The following MBIP variants were observed in gnomAD, a reference collection of about 807,000 sequenced individuals.
MBIP encodes the protein MAP3K12-binding inhibitory protein 1.
In MBIP, 32 loss-of-function variants were observed where a neutral mutation model predicts 45.7. That is an observed-to-expected ratio of 0.70 (90% confidence interval 0.53 to 0.94). The LOEUF (loss-of-function observed/expected upper bound fraction) is 0.94, where lower values mean the gene tolerates loss of function less well. MBIP is among the 40% of genes least tolerant of loss of function. The probability of loss-of-function intolerance (pLI) is 0.00; values close to 1 mark genes in which losing one functional copy is unlikely to be tolerated. For synonymous variants in MBIP, 145 were observed against 141.0 expected (o/e 1.03, Z -0.20); for missense variants, 381 against 405.5 (o/e 0.94, Z 0.52).
At position 36,320,611 on chromosome 14, in the gene MBIP, C is replaced by T. The variant is rs763143629; in HGVS notation, c.-23G>A. ...CATGATATCTTCTCAGGCCGCCCCA[C>T]CACCACCACCACCAAGATTTGCTCA... On this transcript the variant is annotated 5_prime_UTR_variant, in exon 1 of 9. It adds an upstream start codon to the 5' untranslated region. Coordinates refer to ENST00000416007, the MANE Select transcript of MBIP (RefSeq NM_016586.3). 4 of 1,576,692 alleles carry T rather than the reference C, an allele frequency of 2.5e-6. No homozygotes were observed. The South Asian group carries it at 4.7e-5, about 18-fold the overall frequency.
At chr14:36,302,885 T>C (rs1173883325) in intron 7 of MBIP, among the ~76,000 whole-genome samples, 1 of 152,224 alleles carries the variant, frequency 6.6e-6, no homozygotes, top group Non-Finnish European at 1.5e-5. Flanking sequence ...CAGTAGAAAC[T>C]GTACTTCAAA....
chr14:36,305,218 A>G (rs868750010), intron 7 of MBIP: 2 of 152,190 alleles, frequency 1.3e-5, no homozygotes, highest in Admixed American at 6.5e-5. Flanking sequence ...TGAGGTTCCT[A>G]AAGATGGCTC....
At chr14:36,304,805 T>C (rs375853523) in intron 7 of MBIP, among the ~76,000 whole-genome samples, 12 of 152,206 alleles carry the variant, frequency 7.9e-5, no homozygotes, top group Admixed American at 6.5e-4. Context: ...TCCCCATAAA[T>C]ATTTGTTTTT....
At chr14:36,319,097 A>C (rs944097124) in intron 1 of MBIP, among the ~76,000 whole-genome samples, 4 of 151,526 alleles carry the variant, frequency 2.6e-5, no homozygotes, top group African/African-American at 9.8e-5. Flanking sequence ...AAAATTTTCT[A>C]ATGAGTTTGA....
Position 36,319,719 on chromosome 14 carries a change from TTTAAA to T in MBIP, c.129+736_129+740del, listed in dbSNP as rs1880776328. 8 of 195,688 alleles carry T rather than the reference TTTAAA, an allele frequency of 4.1e-5. No homozygotes were observed. In the South Asian group the frequency reaches 4.8e-4, roughly 12 times the overall value. The allele number at this position is 195,688 out of a possible 1,614,324, so 12.1% of individuals were successfully genotyped here. On this transcript the variant is annotated intron_variant, in intron 1 of 8. Coordinates refer to ENST00000416007, the MANE Select transcript of MBIP (RefSeq NM_016586.3). ...TAAAAGGCAGGTAAACAAGCATACT[TTTAAA>T]TTGTTTCTCATTTAAAACTTGAATT...
In MBIP at chr14:36,298,931, A is replaced by C; in HGVS notation, c.*152T>G. ...TTTCAAAACTTACTGGAATATTTGA[A>C]GATTACTTGCTGCAAGCTGGACTCA... is the stretch of plus-strand genomic sequence containing the variant. On this transcript the variant is annotated 3_prime_UTR_variant, in exon 9 of 9. Coordinates refer to ENST00000416007, the MANE Select transcript of MBIP (RefSeq NM_016586.3). The C allele has an allele frequency of 2.1e-6, 1 of 486,324 alleles. No individual in the cohort carries two copies. Among genetic ancestry groups the C allele is most frequent in the Non-Finnish European group, 3.7e-6 (1 of 272,734 alleles). The allele number at this position is 486,324 out of a possible 1,614,324, so 30.1% of individuals were successfully genotyped here. A position where few individuals can be genotyped will look rare whatever the true frequency, so the allele number is the denominator to read the frequency against.
rs773730348 is a variant in MBIP at position 36,314,845 on chromosome 14, G to A, written c.320C>T (p.Thr107Ile). ...NTTAVEEIGR[T>I]EMGNKNEVND... Reference sequence around the variant, plus strand: ...TACTTCATTTTTGTTCCCCATTTCTGTTCTTCCTATCTCTTCAACAGCAGT... The same window carrying A: ...TACTTCATTTTTGTTCCCCATTTCTATTCTTCCTATCTCTTCAACAGCAGT... The change falls in exon 3 of 9, where the codon ACA becomes ATA. Residue 107 changes from threonine (T) to isoleucine (I), a missense_variant. By Grantham distance (89) the Thr-to-Ile change is moderately conservative (BLOSUM62 -1). Coordinates refer to ENST00000416007, the MANE Select transcript of MBIP (RefSeq NM_016586.3). The A allele has an allele frequency of 3.7e-6, 6 of 1,613,132 alleles. No homozygotes were observed. The highest frequency in any genetic ancestry group is 1.3e-5 in the African/African-American group (1 of 74,776).
chr14:36,299,287 AAGC>A (rs1237243213), intron 8 of MBIP, 97 bp from the exon 9 acceptor site: 1 of 790,088 alleles, frequency 1.3e-6, no homozygotes, highest in Non-Finnish European at 2.1e-6. Context: ...AAATATTCAA[AAGC>A]ATGATCAAAT....
intron 1 of MBIP, among the ~76,000 whole-genome samples, chr14:36,317,318 T>C (rs942444312): frequency 1.3e-5 from 2 of 152,232 alleles, no homozygotes; most frequent in Admixed American, 1.3e-4. Flanking sequence ...ATCACATTTT[T>C]AGTTTTTTAA....
intron 8 of MBIP, among the ~76,000 whole-genome samples, chr14:36,300,576 G>A (rs1264178059): frequency 6.6e-6 from 1 of 152,100 alleles, no homozygotes; most frequent in Non-Finnish European, 1.5e-5. Context: ...CAGGACAAAG[G>A]TTTTATTTAT....
intron 7 of MBIP, 84 bp downstream of exon 7, chr14:36,308,008 T>C (rs1879983185): frequency 2.8e-6 from 2 of 718,330 alleles, no homozygotes; most frequent in South Asian, 1.8e-5. Context: ...GTTTTGCTTA[T>C]AGATCAATGA....
chr14:36,308,252 T>C (rs1879999565), intron 6 of MBIP, 63 bp from the exon 7 acceptor site: 1 of 815,590 alleles, frequency 1.2e-6, no homozygotes, highest in Non-Finnish European at 2.0e-6. Flanking sequence ...ACAATTTTTA[T>C]TCTTAAAATA....
intron 7 of MBIP, among the ~76,000 whole-genome samples, chr14:36,302,848 T>C (rs567158443): frequency 6.6e-6 from 1 of 152,344 alleles, no homozygotes; most frequent in South Asian, 2.1e-4. Context: ...TTTTCAAATT[T>C]ACAATGCTGT....
intron 5 of MBIP, 78 bp downstream of exon 5, chr14:36,311,881 G>A: frequency 7.9e-7 from 1 of 1,269,378 alleles, no homozygotes; most frequent in Non-Finnish European, 1.1e-6. Flanking sequence ...AATTTAGATG[G>A]GAAAGTTATT....
chr14:36,313,620 C>T (rs1880348666), intron 4 of MBIP: 1 of 152,038 alleles, frequency 6.6e-6, no homozygotes, highest in Non-Finnish European at 1.5e-5. Flanking sequence ...TTTAGAGATG[C>T]ACATGTGTAA....
intron 8 of MBIP, among the ~76,000 whole-genome samples, chr14:36,299,482 T>C (rs1396148278): frequency 6.6e-6 from 1 of 151,070 alleles, no homozygotes; most frequent in Non-Finnish European, 1.5e-5. Context: ...AAAAGCCTGA[T>C]TATTAGACAC....
At chr14:36,308,016 T>G in intron 7 of MBIP, 76 bp downstream of exon 7, 1 of 775,480 alleles carries the variant, frequency 1.3e-6, no homozygotes, top group East Asian at 2.5e-5. Context: ...TATAGATCAA[T>G]GAGTGACTGT....
At chr14:36,312,188 C>T (rs967681677) in intron 4 of MBIP, among the ~76,000 whole-genome samples, 164 bp from the exon 5 acceptor site, 2 of 151,836 alleles carry the variant, frequency 1.3e-5, no homozygotes, top group African/African-American at 4.8e-5. Context: ...AATTTAGTGA[C>T]CTTCTTTACC....
At chr14:36,308,275 A>G in intron 6 of MBIP, 86 bp from the exon 7 acceptor site, 1 of 694,550 alleles carries the variant, frequency 1.4e-6, no homozygotes, top group East Asian at 2.6e-5. Flanking sequence ...ATGCAAAGAC[A>G]CTTATGCAAA....
Sources: gnomAD v4.1 joint callset for allele counts (sites outside exome capture counted in the v4.1 genomes callset) on GRCh38, gnomAD v4.1.1 for gene constraint, MANE v1.5 for transcripts, NCBI Gene and HGNC (gene_info 2026-07-23, HGNC 2026-07-21) for gene names.